The following PSMD14 variants were observed in gnomAD, a reference collection of about 807,000 sequenced individuals.
PSMD14 encodes the protein ubiquitin C-terminal hydrolase PSMD14.
A neutral mutation model predicts 41.2 loss-of-function variants in PSMD14; 7 were observed. The ratio of observed to expected loss-of-function variants is 0.17; its 90% CI spans 0.10 to 0.32. The LOEUF (loss-of-function observed/expected upper bound fraction) is 0.32, where lower values mean the gene tolerates loss of function less well. Ranked by LOEUF, PSMD14 falls within the 10% of genes least tolerant of loss-of-function variation. PSMD14 has a pLI of 1.00. For synonymous variants in PSMD14, 114 were observed against 122.3 expected (o/e 0.93, Z 0.45); for missense variants, 139 against 375.6 (o/e 0.37, Z 5.21).
intron 9 of PSMD14, 98 bp from the exon 10 acceptor site, chr2:161,394,980 G>A (rs1042063753): frequency 9.6e-7 from 1 of 1,036,288 alleles, no homozygotes; most frequent in Non-Finnish European, 1.4e-6. Flanking sequence ...AATCCATTAA[G>A]TCGAAATGTT....
At chr2:161,359,521 G>A (rs1439763310) in intron 3 of PSMD14, among the ~76,000 whole-genome samples, 1 of 151,802 alleles carries the variant, frequency 6.6e-6, no homozygotes. Context: ...ATTGGACTTG[G>A]AAAAAGGCAT....
chr2:161,331,804 G>A (rs981556973), intron 3 of PSMD14, among the ~76,000 whole-genome samples: 1 of 152,284 alleles, frequency 6.6e-6, no homozygotes, highest in Admixed American at 6.5e-5. Flanking sequence ...GAGCCAAAAG[G>A]ACTGATGCTG....
Position 161,367,745 on chromosome 2 carries a change from C to T in PSMD14, c.121-39C>T, listed in dbSNP as rs755229548. 9 of 1,599,312 alleles carry T rather than the reference C, an allele frequency of 5.6e-6. No individual in the cohort carries two copies. In the South Asian group the frequency reaches 6.8e-5, roughly 12 times the overall value. On this transcript the variant is annotated intron_variant, in intron 4 of 11. Transcript: ENST00000409682. ...TATAAAGAAGAACCAGAGACCTCAACGAAATTTGCTTTGTGTCCACATCTC... is the reference window on the plus strand; with the variant it reads ...TATAAAGAAGAACCAGAGACCTCAATGAAATTTGCTTTGTGTCCACATCTC...
chr2:161,346,675 C>CG (rs1219926822), intron 3 of PSMD14, among the ~76,000 whole-genome samples: 2 of 151,278 alleles, frequency 1.3e-5, no homozygotes, highest in African/African-American at 4.9e-5. Flanking sequence ...TTGCTTTTAA[C>CG]CCTTGCTAGT....
chr2:161,318,007 ACTT>A (rs761726604), intron 2 of PSMD14, among the ~76,000 whole-genome samples: 15 of 152,086 alleles, frequency 9.9e-5, no homozygotes, highest in Non-Finnish European at 2.2e-4. Context: ...ATATTTCTTA[ACTT>A]CTTCTGTGAG....
intron 3 of PSMD14, among the ~76,000 whole-genome samples, chr2:161,357,632 A>G (rs1226778202): frequency 2.6e-5 from 4 of 152,188 alleles, no homozygotes; most frequent in African/African-American, 7.2e-5. Context: ...ACTATAAATC[A>G]TATTCCAATT....
intron 7 of PSMD14, among the ~76,000 whole-genome samples, chr2:161,374,199 C>G (rs762912498): frequency 4.6e-5 from 7 of 151,860 alleles, no homozygotes; most frequent in Non-Finnish European, 2.9e-5. Context: ...TGAGGCCATT[C>G]CTTAAGTTAC....
At chr2:161,346,697 C>G (rs115211588) in intron 3 of PSMD14, among the ~76,000 whole-genome samples, 86 of 151,692 alleles carry the variant, frequency 5.7e-4, no homozygotes, top group African/African-American at 2.1e-3. Context: ...AAGACTGGGG[C>G]AGTACCTTGT....
intron 11 of PSMD14, among the ~76,000 whole-genome samples, 192 bp from the exon 12 acceptor site, chr2:161,411,105 ATTATT>A (rs1358160568): frequency 7.2e-5 from 11 of 152,114 alleles, no homozygotes; most frequent in Admixed American, 3.9e-4. Flanking sequence ...TGTGTAATCT[ATTATT>A]TTATTAGCTA....
chr2:161,380,276 A>G (rs1683556045), intron 7 of PSMD14, among the ~76,000 whole-genome samples: 1 of 151,954 alleles, frequency 6.6e-6, no homozygotes, highest in Non-Finnish European at 1.5e-5. Flanking sequence ...TCTACACCAT[A>G]CTGACTACAT....
chr2:161,358,666 C>G (rs781717029), intron 3 of PSMD14, among the ~76,000 whole-genome samples: 7 of 152,142 alleles, frequency 4.6e-5, no homozygotes, highest in Non-Finnish European at 8.8e-5. Flanking sequence ...AGAGCCTGGC[C>G]GGGCACGGTG....
chr2:161,309,207 G>A (rs1384223257), intron 1 of PSMD14, among the ~76,000 whole-genome samples: 3 of 152,008 alleles, frequency 2.0e-5, no homozygotes, highest in African/African-American at 4.8e-5. Flanking sequence ...TACATTTCTC[G>A]TTTTAAGTAA....
chr2:161,408,810 A>T (rs1456520398), intron 10 of PSMD14, 27 bp from the exon 11 acceptor site: 1 of 1,552,292 alleles, frequency 6.4e-7, no homozygotes. Context: ...ATAATTTTAA[A>T]CTCTGTCCTT....
At chr2:161,322,266 A>G (rs1682618701) in intron 3 of PSMD14, among the ~76,000 whole-genome samples, 1 of 152,128 alleles carries the variant, frequency 6.6e-6, no homozygotes, top group South Asian at 2.1e-4. Flanking sequence ...TTGTACTATG[A>G]TACTGATTTT....
At chr2:161,373,556 T>C (rs1466964559) in intron 7 of PSMD14, among the ~76,000 whole-genome samples, 1 of 151,890 alleles carries the variant, frequency 6.6e-6, no homozygotes, top group African/African-American at 2.4e-5. Context: ...CTTAGGAATA[T>C]AAACTTATAA....
At position 161,308,460 on chromosome 2, in the gene PSMD14, G is replaced by A. The variant is rs989234407; in HGVS notation, c.-282G>A. On this transcript the variant is annotated 5_prime_UTR_variant, in exon 1 of 12. Coordinates refer to ENST00000409682, the MANE Select transcript of PSMD14 (RefSeq NM_005805.6). ...CGGCGGAGGCCCGGGCAACTCTTTT[G>A]AATGGAATCGGGCTGATTCATCGCC... 21 of 152,296 alleles carry A rather than the reference G, an allele frequency of 1.4e-4. No homozygotes were observed. The highest frequency in any genetic ancestry group is 2.6e-4 in the Non-Finnish European group (18 of 68,078). 9.4% of individuals were successfully genotyped at this position (152,296 alleles called of 1,614,324 possible).
At position 161,367,562 on chromosome 2, in the gene PSMD14, T is replaced by C. The variant is rs1026802868; in HGVS notation, c.120+13T>C. ...GGCACTGTTAAAAGTAGGTAATGAA[T>C]GTAGTTACTTGCTTTAGAGAACTCT... is the stretch of plus-strand genomic sequence containing the variant. On this transcript the variant is annotated intron_variant, in intron 4 of 11. Coordinates refer to ENST00000409682, the MANE Select transcript of PSMD14 (RefSeq NM_005805.6). 1.3e-6 allele frequency: 2 copies of C among 1,578,528 alleles called. No homozygotes were observed. The highest frequency in any genetic ancestry group is 1.7e-6 in the Non-Finnish European group (2 of 1,158,070).
chr2:161,397,171 T>G (rs1238884448), intron 10 of PSMD14, among the ~76,000 whole-genome samples: 1 of 152,128 alleles, frequency 6.6e-6, no homozygotes, highest in Non-Finnish European at 1.5e-5. Flanking sequence ...GCTTAGAACC[T>G]GACTTTAGAA....
rs145316329 is a variant in PSMD14 at position 161,340,496 on chromosome 2, T to A, written c.48+21623T>A. Among the ~76,000 whole-genome samples the A allele has an allele frequency of 5.3e-3, 809 of 152,288 alleles. 4 individuals carry two copies. The highest frequency in any genetic ancestry group is 8.5e-3 in the Non-Finnish European group (575 of 68,020). ...CGTTTTATCTAAGGTGTGCAGGGTG[T>A]GTGGATAGCAAGTTTGAGTGGTAAG... On this transcript the variant is annotated intron_variant, in intron 3 of 11. Coordinates refer to ENST00000409682, the MANE Select transcript of PSMD14 (RefSeq NM_005805.6).
Sources: allele counts gnomAD v4.1 joint callset (sites outside exome capture counted in the v4.1 genomes callset), GRCh38; gene constraint gnomAD v4.1.1; transcripts MANE v1.5; gene names NCBI Gene and HGNC (gene_info 2026-07-23, HGNC 2026-07-21).